The following SPTAN1 variants were observed in gnomAD, a reference collection of about 807,000 sequenced individuals.
SPTAN1 encodes spectrin alpha chain, non-erythrocytic 1.
A neutral mutation model predicts 331.3 loss-of-function variants in SPTAN1; 61 were observed. The observed-to-expected ratio is 0.18, with a 90% CI of 0.15 to 0.23. SPTAN1 has a LOEUF of 0.23. SPTAN1 is among the 10% of genes least tolerant of loss of function. SPTAN1 has a pLI of 1.00. For synonymous variants in SPTAN1, 1,153 were observed against 1,173.9 expected (o/e 0.98, Z 0.36); for missense variants, 2,043 against 3,147.9 (o/e 0.65, Z 8.40).
At chr9:128,626,890 C>A in intron 49 of SPTAN1, 1 of 669,944 alleles carries the variant, frequency 1.5e-6, no homozygotes, top group Non-Finnish European at 2.6e-6. Flanking sequence ...CCATGGCTCC[C>A]TGTAGCCTCA....
intron 26 of SPTAN1, 197 bp from the exon 27 acceptor site, chr9:128,599,881 CCT>C (rs977183035): frequency 8.4e-5 from 52 of 615,850 alleles, no homozygotes; most frequent in Non-Finnish European, 1.2e-4. Flanking sequence ...TTTTCTCTCC[CCT>C]GTTTGTTGGC....
intron 21 of SPTAN1, among the ~76,000 whole-genome samples, chr9:128,590,824 C>G (rs1394035549): frequency 6.6e-6 from 1 of 151,970 alleles, no homozygotes; most frequent in African/African-American, 2.4e-5. Flanking sequence ...GCACTCCAGC[C>G]TGGCAACAGA....
chr9:128,591,412 G>T, intron 21 of SPTAN1, 65 bp from the exon 22 acceptor site: 1 of 1,607,350 alleles, frequency 6.2e-7, no homozygotes, highest in Non-Finnish European at 8.5e-7. Context: ...GTATACACGT[G>T]ACCTCCTTGG....
At position 128,562,963 on chromosome 9, in the gene SPTAN1, TAAAA is replaced by T. The variant is rs966803841; in HGVS notation, c.-3-3769_-3-3766del. Among the ~76,000 whole-genome samples, 63 of 129,226 alleles carry T rather than the reference TAAAA, an allele frequency of 4.9e-4. No individual in the cohort carries two copies. In the East Asian group the frequency reaches 6.8e-3, roughly 14 times the overall value. 84.8% of individuals were successfully genotyped at this position (129,226 alleles called of 152,430 possible). Reference sequence around the variant, plus strand: ...CTGGGCGACAGAGTGAGACTCCGTCTAAAAAAAAATATATATATACATGTATGTG... The same window carrying T: ...CTGGGCGACAGAGTGAGACTCCGTCTAAAAATATATATATACATGTATGTG... On this transcript the variant is annotated intron_variant, in intron 1 of 56. Coordinates refer to ENST00000372739, the MANE Select transcript of SPTAN1 (RefSeq NM_001130438.3).
chr9:128,633,154 G>C, intron 56 of SPTAN1, 55 bp from the exon 57 acceptor site: 1 of 1,612,802 alleles, frequency 6.2e-7, no homozygotes, highest in Middle Eastern at 1.7e-4. Flanking sequence ...TGGGAGGTCG[G>C]GTTTGAAGTG....
chr9:128,622,806 G>A (rs1218183365), intron 45 of SPTAN1, among the ~76,000 whole-genome samples: 1 of 151,888 alleles, frequency 6.6e-6, no homozygotes, highest in African/African-American at 2.4e-5. Context: ...AGGCTGGAGT[G>A]CACTGGCGCA....
chr9:128,575,148 T>TAATG, intron 4 of SPTAN1, 51 bp from the exon 5 acceptor site: 1 of 1,612,686 alleles, frequency 6.2e-7, no homozygotes, highest in Non-Finnish European at 8.5e-7. Context: ...TGGAAGCCAT[T>TAATG]GTTAACAAAT....
Position 128,585,882 on chromosome 9 carries a change from G to A in SPTAN1, c.2695G>A (p.Ala899Thr). 2 of 1,614,044 alleles carry A rather than the reference G, an allele frequency of 1.2e-6. No homozygotes were observed. Among genetic ancestry groups the A allele is most frequent in the Non-Finnish European group, 1.7e-6 (2 of 1,180,036 alleles). ...SLQAQQYFAD[A>T]NEAESWMREK... Reference sequence around the variant, plus strand: ...GCAGGCCCAGCAGTACTTTGCTGATGCTAACGAGGCTGAATCCTGGATGCG... The same window carrying A: ...GCAGGCCCAGCAGTACTTTGCTGATACTAACGAGGCTGAATCCTGGATGCG... The change falls in exon 19 of 57, where the codon GCT becomes ACT. Residue 899 changes from alanine to threonine, a missense_variant. Ala to Thr is a moderately conservative substitution (Grantham distance 58). Around this residue, in one of 12 missense-constraint regions of SPTAN1, gnomAD observed 1,038 missense variants for 1,531.5 expected, o/e 0.68. Transcript: ENST00000372739.
At position 128,576,937 on chromosome 9, in the gene SPTAN1, G is replaced by A. The variant is rs915429220; in HGVS notation, c.766G>A (p.Glu256Lys). Residue 256 changes from glutamate to lysine, a missense_variant, in exon 6 of 57, where the codon GAA becomes AAA. Physicochemically the swap from Glu to Lys is moderately conservative, Grantham distance 56. Around this residue, in one of 12 missense-constraint regions of SPTAN1, gnomAD observed 1,038 missense variants for 1,531.5 expected, o/e 0.68. Coordinates refer to ENST00000372739, the MANE Select transcript of SPTAN1 (RefSeq NM_001130438.3). ...QRQGKLFGAA[E>K]VQRFNRDVDE... ...GCAGGGGAAGCTCTTTGGGGCAGCA[G>A]AAGTTCAGCGCTTTAACAGGTGTCA... 1 of 1,614,068 alleles carries A rather than the reference G, an allele frequency of 6.2e-7. No homozygotes were observed. Among genetic ancestry groups the A allele is most frequent in the Non-Finnish European group, 8.5e-7 (1 of 1,180,056 alleles).
chr9:128,607,480 A>C, intron 31 of SPTAN1, 124 bp from the exon 32 acceptor site: 1 of 861,976 alleles, frequency 1.2e-6, no homozygotes, highest in South Asian at 1.4e-5. Context: ...AGCCTCATTC[A>C]GTAGATCAGA....
At chr9:128,582,629 C>T in intron 13 of SPTAN1, 65 bp from the exon 14 acceptor site, 1 of 1,609,646 alleles carries the variant, frequency 6.2e-7, no homozygotes, top group South Asian at 1.1e-5. Flanking sequence ...CCAGTTAAGT[C>T]TCTTCAACTG....
chr9:128,630,733 C>T (rs535592754), intron 52 of SPTAN1: 215 of 292,982 alleles, frequency 7.3e-4, no homozygotes, highest in Admixed American at 3.4e-3. Flanking sequence ...GATGGAGTTT[C>T]ACTCTTGTTG....
chr9:128,626,428 C>T lies in SPTAN1; in HGVS notation c.6317C>T (p.Ser2106Phe), dbSNP rs1375092209. 1 of 1,614,106 alleles carries T rather than the reference C, an allele frequency of 6.2e-7. No individual in the cohort carries two copies. Among genetic ancestry groups the T allele is most frequent in the Non-Finnish European group, 8.5e-7 (1 of 1,180,054 alleles). The change falls in exon 49 of 57, where the codon TCT becomes TTT. Residue 2106 changes from serine to phenylalanine, a missense_variant. Physicochemically the swap from Ser to Phe is radical, Grantham distance 155. Around this residue, in one of 12 missense-constraint regions of SPTAN1, gnomAD observed 256 missense variants for 376.4 expected, o/e 0.68. Coordinates refer to ENST00000372739, the MANE Select transcript of SPTAN1 (RefSeq NM_001130438.3). ...TTCCTGACCTTCGCCAAAAAGGCTT[C>T]TGCCTTCAACAGCTGGTTTGAAAAT... ...DLFLTFAKKA[S>F]AFNSWFENAE...
intron 51 of SPTAN1, chr9:128,628,935 G>A (rs1249933541): frequency 7.7e-6 from 3 of 389,548 alleles, no homozygotes; most frequent in Admixed American, 8.9e-5. Flanking sequence ...CCCAAGCCCT[G>A]CCCATCTTGC....
At chr9:128,555,380 T>G in intron 1 of SPTAN1, 1 of 1,289,732 alleles carries the variant, frequency 7.8e-7, no homozygotes, top group South Asian at 1.2e-5. Flanking sequence ...TTGTCATCGT[T>G]TCGTAAACGC....
chr9:128,585,791 G>A lies in SPTAN1; in HGVS notation c.2604G>A (p.Leu868=), dbSNP rs1027173091. ...AEDVKAKLHE[L]NQKWEALKAK... is the part of the protein sequence containing the mutation. ...ATGTGAAGGCCAAGCTTCACGAGCTGAACCAAAAGTGGGAGGCACTGAAAG... is the reference window on the plus strand; with the variant it reads ...ATGTGAAGGCCAAGCTTCACGAGCTAAACCAAAAGTGGGAGGCACTGAAAG... The change falls in exon 19 of 57, where the codon CTG becomes CTA. Residue 868 remains leucine, a synonymous_variant. Transcript: ENST00000372739. 3 of 1,614,086 alleles carry A rather than the reference G, an allele frequency of 1.9e-6. No homozygotes were observed. The Admixed American group carries it at 5.0e-5, about 27-fold the overall frequency.
chr9:128,611,503 G>A (rs868356710), intron 37 of SPTAN1: 79 of 586,396 alleles, frequency 1.3e-4, no homozygotes, highest in South Asian at 9.7e-4. Context: ...CTACTCCTGA[G>A]CTAGTACATT....
At chr9:128,590,173 C>G (rs1448918786) in intron 21 of SPTAN1, among the ~76,000 whole-genome samples, 3 of 152,124 alleles carry the variant, frequency 2.0e-5, no homozygotes, top group African/African-American at 7.2e-5. Context: ...CTTATTTATC[C>G]TTGTCATGAT....
At chr9:128,622,594 C>T (rs1384952219) in intron 45 of SPTAN1, among the ~76,000 whole-genome samples, 4 of 151,938 alleles carry the variant, frequency 2.6e-5, no homozygotes, top group African/African-American at 4.8e-5. Context: ...CCACCACCCC[C>T]GGCCAGCGAG....
Sources: allele counts gnomAD v4.1 joint callset (sites outside exome capture counted in the v4.1 genomes callset), GRCh38; gene constraint gnomAD v4.1.1; regional missense constraint gnomAD v4.1.1; transcripts MANE v1.5; gene names NCBI Gene and HGNC (gene_info 2026-07-23, HGNC 2026-07-21).